The following TSPAN2 variants were observed in gnomAD, a reference collection of about 807,000 sequenced individuals.
The protein encoded by TSPAN2 is tetraspanin 2, also known as tetraspanin-2.
A neutral mutation model predicts 33.3 loss-of-function variants in TSPAN2; 24 were observed. The ratio of observed to expected loss-of-function variants is 0.72; its 90% CI spans 0.52 to 1.01. TSPAN2 has a LOEUF of 1.01. Ranked by LOEUF, TSPAN2 falls within the 50% of genes least tolerant of loss-of-function variation. The pLI is 0.00. For synonymous variants in TSPAN2, 114 were observed against 104.5 expected (o/e 1.09, Z -0.56); for missense variants, 278 against 281.3 (o/e 0.99, Z 0.08).
At chr1:115,085,268 G>A (rs146902820) in intron 1 of TSPAN2, among the ~76,000 whole-genome samples, 125 of 152,338 alleles carry the variant, frequency 8.2e-4, no homozygotes, top group Non-Finnish European at 1.4e-3. Context: ...GGGGTTAATG[G>A]CTAGGCTTTA....
chr1:115,059,017 G>T (rs1244524304), intron 4 of TSPAN2, 36 bp from the exon 5 acceptor site: 4 of 1,527,626 alleles, frequency 2.6e-6, no homozygotes, highest in African/African-American at 2.7e-5. Flanking sequence ...GGACTTCTGG[G>T]TGGGAAGTTT....
chr1:115,079,173 A>G (rs1002452680), intron 1 of TSPAN2, among the ~76,000 whole-genome samples: 2 of 151,418 alleles, frequency 1.3e-5, no homozygotes, highest in African/African-American at 4.9e-5. Flanking sequence ...ACACACGCGC[A>G]TGCTGCACTC....
chr1:115,081,608 T>C (rs1648627634), intron 1 of TSPAN2, among the ~76,000 whole-genome samples: 1 of 152,204 alleles, frequency 6.6e-6, no homozygotes, highest in South Asian at 2.1e-4. Flanking sequence ...ACTGGTCCTA[T>C]AATCTTGGGC....
chr1:115,074,546 A>G (rs1372462993), intron 1 of TSPAN2, among the ~76,000 whole-genome samples: 1 of 152,144 alleles, frequency 6.6e-6, no homozygotes, highest in East Asian at 1.9e-4. Flanking sequence ...TCAGCTTCTG[A>G]AAGACGTCTG....
intron 1 of TSPAN2, among the ~76,000 whole-genome samples, chr1:115,073,846 G>GGT (rs1428245676): frequency 6.6e-6 from 1 of 152,010 alleles, no homozygotes. Flanking sequence ...GAAGGCTTTT[G>GGT]TGAGGCTCAG....
chr1:115,079,636 A>G (rs998202810), intron 1 of TSPAN2, among the ~76,000 whole-genome samples: 9 of 152,230 alleles, frequency 5.9e-5, no homozygotes, highest in African/African-American at 1.2e-4. Context: ...TATGACATCT[A>G]TGTCAAATGG....
At chr1:115,068,068 C>G (rs1648018801) in intron 2 of TSPAN2, among the ~76,000 whole-genome samples, 1 of 152,196 alleles carries the variant, frequency 6.6e-6, no homozygotes, top group Non-Finnish European at 1.5e-5. Context: ...CCTGCCAGGT[C>G]CTCTCTTCTA....
In TSPAN2 at chr1:115,058,938, T is replaced by A; in HGVS notation, c.389A>T (p.Asp130Val). 3 of 1,614,140 alleles carry A rather than the reference T, an allele frequency of 1.9e-6. No homozygotes were observed. Among genetic ancestry groups the A allele is most frequent in the Non-Finnish European group, 2.5e-6 (3 of 1,180,016 alleles). ...GCCTTTTCCCCTGTCTTTAAGGTAA[T>A]CATTGTAAGCCTCTTCATACATGGT... ...VQTMYEEAYNDYLKDRGKGNG... is the reference protein window; with the variant it reads ...VQTMYEEAYNVYLKDRGKGNG... The change falls in exon 5 of 8, where the codon GAT becomes GTT. Residue 130 changes from aspartate (D) to valine (V), a missense_variant. Transcript: ENST00000369516.
intron 2 of TSPAN2, among the ~76,000 whole-genome samples, chr1:115,064,903 T>C (rs1211995070): frequency 6.6e-6 from 1 of 152,194 alleles, no homozygotes; most frequent in Non-Finnish European, 1.5e-5. Context: ...AGGCCAGAGT[T>C]GTTCCCCACT....
chr1:115,081,208 T>C (rs1003956182), intron 1 of TSPAN2, among the ~76,000 whole-genome samples: 1 of 152,210 alleles, frequency 6.6e-6, no homozygotes, highest in African/African-American at 2.4e-5. Context: ...TACCAGGACC[T>C]GTTTGAGGTC....
intron 1 of TSPAN2, among the ~76,000 whole-genome samples, chr1:115,083,483 C>T (rs1435074389): frequency 6.6e-6 from 1 of 152,198 alleles, no homozygotes; most frequent in African/African-American, 2.4e-5. Flanking sequence ...GCACACCCTG[C>T]TTCAGTCAGA....
chr1:115,070,881 C>T (rs1024835949), intron 2 of TSPAN2, among the ~76,000 whole-genome samples: 7 of 152,064 alleles, frequency 4.6e-5, no homozygotes, highest in East Asian at 3.9e-4. Flanking sequence ...TACATGGGGG[C>T]GGTTACAGAA....
rs541998170 is a variant in TSPAN2, at chr1:115,075,006, GAC to G, written c.70-2001_70-2000del. On this transcript the variant is annotated intron_variant, in intron 1 of 7. Transcript: ENST00000369516. ...TTCCAAATACAAAGCAAGACCTATTGACAGAGGCATCAGGCCAAAGCCAGCAG... is the reference window on the plus strand; with the variant it reads ...TTCCAAATACAAAGCAAGACCTATTGAGAGGCATCAGGCCAAAGCCAGCAG... 3.5e-3 allele frequency among the ~76,000 whole-genome samples: 534 copies of G among 152,282 alleles called. 3 individuals carry two copies. Among genetic ancestry groups the G allele is most frequent in the African/African-American group, 0.012 (508 of 41,542 alleles).
At position 115,049,447 on chromosome 1, in the gene TSPAN2, A is replaced by G. The variant is rs1359397714; in HGVS notation, c.*1043T>C. 2 of 152,572 alleles carry G rather than the reference A, an allele frequency of 1.3e-5. No homozygotes were observed. The highest frequency in any genetic ancestry group is 1.9e-4 in the East Asian group (1 of 5,196). The allele number at this position is 152,572 out of a possible 1,614,324, so 9.5% of individuals were successfully genotyped here. The stretch of plus-strand genomic sequence containing the variant: ...GAAAACTGTAGTTCTTAATCTATGA[A>G]GAATTCTCTAGGTGGCTATACAAGA... On this transcript the variant is annotated 3_prime_UTR_variant, in exon 8 of 8. Transcript: ENST00000369516.
rs938912272 is a variant in TSPAN2 at position 115,050,247 on chromosome 1, G to A, written c.*243C>T. ...ATTCCCAGCAAACAGATTTCATTACGTATAAAGCATATTCCAGAAACACGC... is the reference window on the plus strand; with the variant it reads ...ATTCCCAGCAAACAGATTTCATTACATATAAAGCATATTCCAGAAACACGC... On this transcript the variant is annotated 3_prime_UTR_variant, in exon 8 of 8. Coordinates refer to ENST00000369516, the MANE Select transcript of TSPAN2 (RefSeq NM_005725.6). The A allele has an allele frequency of 4.3e-5, 22 of 511,260 alleles. No individual in the cohort carries two copies. The highest frequency in any genetic ancestry group is 5.1e-4 in the Middle Eastern group (1 of 1,954). 31.7% of individuals were successfully genotyped at this position (511,260 alleles called of 1,614,324 possible). A position where few individuals can be genotyped will look rare whatever the true frequency, so the allele number is the denominator to read the frequency against.
intron 2 of TSPAN2, among the ~76,000 whole-genome samples, chr1:115,064,197 T>A (rs1420525521): frequency 6.6e-6 from 1 of 152,244 alleles, no homozygotes; most frequent in East Asian, 1.9e-4. Flanking sequence ...AGAGTCAAGA[T>A]GGCTGTAGGC....
Position 115,050,052 on chromosome 1 carries a change from A to G in TSPAN2, c.*438T>C, listed in dbSNP as rs1675270757. ...TTCTTACAGCTTATTACTTCCATTA[A>G]GAAGAAATCTCTGAATTCTCTGCAT... On this transcript the variant is annotated 3_prime_UTR_variant, in exon 8 of 8. Transcript: ENST00000369516. 1 of 227,078 alleles carries G rather than the reference A, an allele frequency of 4.4e-6. No individual in the cohort carries two copies. The highest frequency in any genetic ancestry group is 5.6e-5 in the South Asian group (1 of 17,782). 14.1% of individuals were successfully genotyped at this position (227,078 alleles called of 1,614,324 possible). A position where few individuals can be genotyped will look rare whatever the true frequency, so the allele number is the denominator to read the frequency against.
chr1:115,051,000 G>C (rs1200647183), intron 7 of TSPAN2, among the ~76,000 whole-genome samples: 2 of 152,148 alleles, frequency 1.3e-5, no homozygotes, highest in Non-Finnish European at 2.9e-5. Flanking sequence ...TTTTACAACA[G>C]TGTCCATACA....
At chr1:115,063,708 T>C (rs756925129) in intron 2 of TSPAN2, among the ~76,000 whole-genome samples, 13 of 152,198 alleles carry the variant, frequency 8.5e-5, no homozygotes, top group Non-Finnish European at 1.3e-4. Context: ...ATATACACCA[T>C]GGAATACTAT....
Sources: gnomAD v4.1 joint callset for allele counts (sites outside exome capture counted in the v4.1 genomes callset) on GRCh38, gnomAD v4.1.1 for gene constraint, MANE v1.5 for transcripts, NCBI Gene and HGNC (gene_info 2026-07-23, HGNC 2026-07-21) for gene names.